BANP: variants seen among roughly 807,000 people sequenced by gnomAD.
The protein encoded by BANP is protein BANP.
A neutral mutation model predicts 68.1 loss-of-function variants in BANP; 11 were observed. The observed-to-expected ratio is 0.16, with a 90% CI of 0.10 to 0.27. The LOEUF (loss-of-function observed/expected upper bound fraction) is 0.27, where lower values mean the gene tolerates loss of function less well. Among genes scored for constraint, BANP ranks in the 10% least tolerant of loss-of-function variants. BANP has a pLI of 1.00. For synonymous variants in BANP, 329 were observed against 303.2 expected (o/e 1.09, Z -0.88); for missense variants, 504 against 722.7 (o/e 0.70, Z 3.47).
Position 88,018,734 on chromosome 16 carries a change from G to GC in BANP, c.895+68dup, listed in dbSNP as rs914861494. 2.8e-5 allele frequency: 42 copies of GC among 1,495,304 alleles called. No homozygotes were observed. In the African/African-American group the frequency reaches 5.1e-4, roughly 18 times the overall value. 92.6% of individuals were successfully genotyped at this position (1,495,304 alleles called of 1,614,324 possible). On this transcript the variant is annotated intron_variant, in intron 7 of 13. Coordinates refer to ENST00000682872, the MANE Select transcript of BANP (RefSeq NM_001386991.1). This position sits in a 1 kb window ranked among gnomAD's most constrained non-coding sequence, Gnocchi z 7.7. ...GCTGGGTCAGGACCCACATTTCAAT[G>GC]CTGAGGACGCTGGCATCAGTAGCAC... is the stretch of plus-strand genomic sequence containing the variant.
chr16:88,053,751 C>T (rs1214133929), intron 11 of BANP, among the ~76,000 whole-genome samples: 1 of 150,766 alleles, frequency 6.6e-6, no homozygotes, highest in Non-Finnish European at 1.5e-5. Context: ...CTACTGTCAT[C>T]TCCATCATCA....
At chr16:87,960,680 A>T (rs559360545) in intron 1 of BANP, among the ~76,000 whole-genome samples, 1 of 152,234 alleles carries the variant, frequency 6.6e-6, no homozygotes, top group African/African-American at 2.4e-5. Context: ...TTCTGCTCTG[A>T]TAAAATGGCA....
In BANP at chr16:88,018,276, C is replaced by T. The variant is rs979583732; in HGVS notation, c.656-152C>T. The T allele has an allele frequency of 1.2e-5, 12 of 971,480 alleles. No individual in the cohort carries two copies. Among genetic ancestry groups the T allele is most frequent in the Middle Eastern group, 3.3e-4 (1 of 3,020 alleles). The allele number at this position is 971,480 out of a possible 1,614,324, so 60.2% of individuals were successfully genotyped here. ...CTTGGGCAGCAGTCGGAGGCTCCAG[C>T]GCTCTTGGTGACTGCCTCACAAGTT... On this transcript the variant is annotated intron_variant, in intron 6 of 13. Coordinates refer to ENST00000682872, the MANE Select transcript of BANP (RefSeq NM_001386991.1). This position sits in a 1 kb window ranked among gnomAD's most constrained non-coding sequence, Gnocchi z 7.7.
chr16:88,022,385 T>C (rs2076194934), intron 7 of BANP, among the ~76,000 whole-genome samples: 1 of 152,218 alleles, frequency 6.6e-6, no homozygotes, highest in Admixed American at 6.5e-5. Flanking sequence ...CCGATCCCCA[T>C]GAGACCTCCT....
At chr16:87,967,823 A>T (rs1278383220) in intron 1 of BANP, among the ~76,000 whole-genome samples, 1 of 151,184 alleles carries the variant, frequency 6.6e-6, no homozygotes, top group East Asian at 2.0e-4. Context: ...GCGTTTCACC[A>T]TGTTGGTTAG....
chr16:87,961,363 T>G (rs7186900), intron 1 of BANP, among the ~76,000 whole-genome samples: 1 of 149,182 alleles, frequency 6.7e-6, no homozygotes, highest in South Asian at 2.1e-4. Flanking sequence ...AGGGTTTTGC[T>G]GTGTTGCCCG....
In BANP at chr16:87,957,753, C is replaced by T. The variant is rs1247784175; in HGVS notation, c.-69+6238C>T. Among the ~76,000 whole-genome samples the T allele has an allele frequency of 6.6e-6, 1 of 152,242 alleles. No individual in the cohort carries two copies. Among genetic ancestry groups the T allele is most frequent in the East Asian group, 1.9e-4 (1 of 5,202 alleles). ...TTTCCTTGCCGGTGTGAATGCGCTTCCCGTAAATATGGCAGAACGCCTTCA... is the reference window on the plus strand; with the variant it reads ...TTTCCTTGCCGGTGTGAATGCGCTTTCCGTAAATATGGCAGAACGCCTTCA... On this transcript the variant is annotated intron_variant, in intron 1 of 13. Transcript: ENST00000682872. This position sits in a 1 kb window ranked among gnomAD's most constrained non-coding sequence, Gnocchi z 4.3.
intron 6 of BANP, among the ~76,000 whole-genome samples, chr16:88,011,242 G>A (rs532644385): frequency 6.6e-6 from 1 of 152,300 alleles, no homozygotes; most frequent in African/African-American, 2.4e-5. Context: ...ATCCATGGCA[G>A]TGTTGGTGCT....
intron 1 of BANP, among the ~76,000 whole-genome samples, chr16:87,958,496 G>T (rs2058528696): frequency 6.6e-6 from 1 of 152,198 alleles, no homozygotes; most frequent in Non-Finnish European, 1.5e-5. Context: ...GCATTTGACT[G>T]AATTTGGGTA....
Position 88,026,202 on chromosome 16 carries a change from C to T in BANP, c.896-1281C>T, listed in dbSNP as rs576884706. Among the ~76,000 whole-genome samples, 10 of 152,258 alleles carry T rather than the reference C, an allele frequency of 6.6e-5. No homozygotes were observed. In the South Asian group the frequency reaches 1.7e-3, roughly 25 times the overall value. On this transcript the variant is annotated intron_variant, in intron 7 of 13. Transcript: ENST00000682872. ...GTTCTCTGCGTGTGCACGGTGAGCCCCAGGAAGACGATGCACCTGGCTTTG... is the reference window on the plus strand; with the variant it reads ...GTTCTCTGCGTGTGCACGGTGAGCCTCAGGAAGACGATGCACCTGGCTTTG...
rs1452088026 is a variant in BANP, at chr16:88,036,937, G to C, written c.1273-1036G>C. On this transcript the variant is annotated intron_variant, in intron 10 of 13. Transcript: ENST00000682872. The surrounding 1 kb of genome is among the most constrained non-coding windows in gnomAD (Gnocchi z 4.2). ...GAGTTGGGGGCCTGAGTGGCTGCGA[G>C]GTGCAGGATCCCAGCAGCACCTTCC... 2.0e-5 allele frequency among the ~76,000 whole-genome samples: 3 copies of C among 152,176 alleles called. No individual in the cohort carries two copies. Among genetic ancestry groups the C allele is most frequent in the Non-Finnish European group, 2.9e-5 (2 of 68,038 alleles).
At chr16:87,992,743 G>A (rs1268969516) in intron 4 of BANP, among the ~76,000 whole-genome samples, 7 of 150,798 alleles carry the variant, frequency 4.6e-5, no homozygotes, top group Non-Finnish European at 1.0e-4. Context: ...GCAGTGAGCC[G>A]AGATTGTACC....
intron 7 of BANP, among the ~76,000 whole-genome samples, chr16:88,021,655 A>G (rs1450109663): frequency 1.3e-5 from 2 of 151,914 alleles, no homozygotes; most frequent in Non-Finnish European, 2.9e-5. Flanking sequence ...TTGTTGCCCA[A>G]AAAACCAAAA....
intron 5 of BANP, 37 bp from the exon 6 acceptor site, chr16:88,006,053 T>C (rs752305818): frequency 6.2e-7 from 1 of 1,612,924 alleles, no homozygotes; most frequent in Non-Finnish European, 8.5e-7. Context: ...TTGCGGCTCT[T>C]ACCACATCGG....
chr16:87,997,743 G>C (rs1314609392), intron 4 of BANP, among the ~76,000 whole-genome samples: 1 of 152,266 alleles, frequency 6.6e-6, no homozygotes, highest in Non-Finnish European at 1.5e-5. Context: ...GTGGTAAAGT[G>C]GGTGAAATAG....
intron 1 of BANP, among the ~76,000 whole-genome samples, chr16:87,952,924 C>T (rs2057266437): frequency 1.3e-5 from 2 of 152,172 alleles, no homozygotes; most frequent in Admixed American, 6.5e-5. Flanking sequence ...ACAGACGCCA[C>T]CACCCCGGCT....
rs543798335 is a variant in BANP at position 88,056,434 on chromosome 16, T to C, written c.1312-8833T>C. 6.7e-5 allele frequency among the ~76,000 whole-genome samples: 10 copies of C among 149,628 alleles called. No individual in the cohort carries two copies. In the South Asian group the frequency reaches 1.9e-3, roughly 28 times the overall value. On this transcript the variant is annotated intron_variant, in intron 11 of 13. Transcript: ENST00000682872. The stretch of plus-strand genomic sequence containing the variant: ...AGGGCCCAGGACAAGCTGGACAAAG[T>C]GTTTGGCTGGGAAGCGTATTCTCTC...
Position 88,002,506 on chromosome 16 carries a change from A to G in BANP, c.363-1789A>G, listed in dbSNP as rs1204926461. On this transcript the variant is annotated intron_variant, in intron 4 of 13. Coordinates refer to ENST00000682872, the MANE Select transcript of BANP (RefSeq NM_001386991.1). This position sits in a 1 kb window ranked among gnomAD's most constrained non-coding sequence, Gnocchi z 4.6. The stretch of plus-strand genomic sequence containing the variant: ...TTAGGTGGGAAAAGGGCTTTGTGGA[A>G]GGGAACACACACATTGAGATACTCG... 6.6e-6 allele frequency among the ~76,000 whole-genome samples: 1 copy of G among 152,088 alleles called. No homozygotes were observed. The highest frequency in any genetic ancestry group is 1.9e-4 in the East Asian group (1 of 5,184).
chr16:88,058,968 T>C (rs938691831), intron 11 of BANP, among the ~76,000 whole-genome samples: 5 of 152,124 alleles, frequency 3.3e-5, no homozygotes, highest in African/African-American at 1.2e-4. Flanking sequence ...CCGCTGCTCC[T>C]GCTTTCGGCA....
Sources: gnomAD v4.1 joint callset for allele counts (sites outside exome capture counted in the v4.1 genomes callset) on GRCh38, gnomAD v4.1.1 for gene constraint, Gnocchi (gnomAD v3.1) non-coding constraint, MANE v1.5 for transcripts, NCBI Gene and HGNC (gene_info 2026-07-23, HGNC 2026-07-21) for gene names.